The following ST7 variants were observed in gnomAD, a reference collection of about 807,000 sequenced individuals.
The protein encoded by ST7 is suppressor of tumorigenicity 7 protein.
In ST7, 28 loss-of-function variants were observed where a neutral mutation model predicts 78.7. The observed-to-expected ratio is 0.36, with a 90% CI of 0.26 to 0.49. The LOEUF (loss-of-function observed/expected upper bound fraction) is 0.49, where lower values mean the gene tolerates loss of function less well. Ranked by LOEUF, ST7 falls within the 20% of genes least tolerant of loss-of-function variation. The pLI is 0.99. For missense variants in ST7, 418 were observed against 696.0 expected, an observed-to-expected ratio of 0.60 and a Z score of 4.49; for synonymous variants, 247 against 249.6, an observed-to-expected ratio of 0.99 and a Z score of 0.10.
intron 12 of ST7, among the ~76,000 whole-genome samples, chr7:117,208,410 C>T (rs756547607): frequency 5.3e-5 from 8 of 152,158 alleles, no homozygotes; most frequent in Non-Finnish European, 1.0e-4. Flanking sequence ...TCCTGCTGCT[C>T]TCTGGGTGTC....
At position 117,008,802 on chromosome 7, in the gene ST7, C is replaced by T. The variant is rs1055486904; in HGVS notation, c.151+55111C>T. 3.3e-5 allele frequency among the ~76,000 whole-genome samples: 5 copies of T among 152,112 alleles called. No homozygotes were observed. The East Asian group carries it at 7.7e-4, about 23-fold the overall frequency. On this transcript the variant is annotated intron_variant, in intron 1 of 15. Transcript: ENST00000323984. ...TTGCAGAGAAAGGTCAAATCAACCA[C>T]AGTAAATATTGTTGAACAGGGTTTG...
chr7:117,005,226 ATAACT>A (rs1305126221), intron 1 of ST7, among the ~76,000 whole-genome samples: 4 of 152,226 alleles, frequency 2.6e-5, no homozygotes, highest in East Asian at 3.8e-4. Flanking sequence ...ATTGACAAAA[ATAACT>A]TAATTTTTTT....
intron 1 of ST7, among the ~76,000 whole-genome samples, chr7:116,973,917 A>G (rs1269068269): frequency 6.6e-6 from 1 of 152,242 alleles, no homozygotes; most frequent in Non-Finnish European, 1.5e-5. Context: ...TTACACATGT[A>G]TTTGATTTAT....
intron 1 of ST7, among the ~76,000 whole-genome samples, chr7:116,975,404 T>C (rs1014724834): frequency 2.0e-5 from 3 of 151,802 alleles, no homozygotes; most frequent in African/African-American, 7.3e-5. Flanking sequence ...ATGGGGGTTT[T>C]TTGAAAACAA....
At chr7:117,092,552 C>G (rs1289142469) in intron 1 of ST7, among the ~76,000 whole-genome samples, 4 of 151,970 alleles carry the variant, frequency 2.6e-5, no homozygotes, top group African/African-American at 9.7e-5. Context: ...AAAGTTGCAG[C>G]CTTACTTAAT....
rs548460100 is a variant in ST7, at chr7:117,145,454, A to C, written c.963+6922A>C. ...GGTGGCAGAGCCGTCCTCCCTCTAA[A>C]AGCTCTAGGGAGCAATCCTTAATTG... is the stretch of plus-strand genomic sequence containing the variant. On this transcript the variant is annotated intron_variant, in intron 9 of 15. Coordinates refer to ENST00000323984, the MANE Select transcript of ST7 (RefSeq NM_001369598.1). The C allele has an allele frequency of 2.0e-5, 3 of 152,216 alleles. No individual in the cohort carries two copies. The East Asian group carries it at 5.8e-4, about 29-fold the overall frequency. The allele number at this position is 152,216 out of a possible 1,614,324, so 9.4% of individuals were successfully genotyped here. A position where few individuals can be genotyped will look rare whatever the true frequency, so the allele number is the denominator to read the frequency against.
At chr7:117,108,018 A>G (rs1435734743) in intron 2 of ST7, among the ~76,000 whole-genome samples, 1 of 151,056 alleles carries the variant, frequency 6.6e-6, no homozygotes, top group Non-Finnish European at 1.5e-5. Context: ...GATTATGAAG[A>G]TTTTCTGCCA....
intron 6 of ST7, among the ~76,000 whole-genome samples, chr7:117,132,301 G>A (rs1026243636): frequency 2.0e-5 from 3 of 151,716 alleles, no homozygotes; most frequent in Non-Finnish European, 4.4e-5. Flanking sequence ...ATGCTCATCT[G>A]CACTAGAACA....
At chr7:116,964,529 G>A (rs1460254527) in intron 1 of ST7, among the ~76,000 whole-genome samples, 1 of 152,128 alleles carries the variant, frequency 6.6e-6, no homozygotes, top group East Asian at 1.9e-4. Flanking sequence ...GGGAGCGTGT[G>A]TATGTTTGTG....
At chr7:117,094,322 C>T (rs533884672) in intron 1 of ST7, among the ~76,000 whole-genome samples, 3 of 152,332 alleles carry the variant, frequency 2.0e-5, no homozygotes, top group South Asian at 2.1e-4. Context: ...CTCACTGTTC[C>T]CTAGTCTCTG....
chr7:116,974,873 T>C (rs1345008766), intron 1 of ST7, among the ~76,000 whole-genome samples: 1 of 152,208 alleles, frequency 6.6e-6, no homozygotes, highest in East Asian at 1.9e-4. Context: ...TTTGAGGAGA[T>C]ACAAATGCAA....
chr7:117,133,643 A>C (rs372008078), intron 6 of ST7, among the ~76,000 whole-genome samples: 18 of 151,860 alleles, frequency 1.2e-4, no homozygotes, highest in African/African-American at 4.3e-4. Context: ...AAAATAGGGA[A>C]TAAATGGTTG....
chr7:117,130,729 C>A, intron 5 of ST7, 123 bp downstream of exon 5: 1 of 612,064 alleles, frequency 1.6e-6, no homozygotes, highest in Non-Finnish European at 2.7e-6. Context: ...TGTTGATTGA[C>A]TAATAAGAAC....
chr7:116,974,736 C>G lies in ST7; in HGVS notation c.151+21045C>G, dbSNP rs531656151. On this transcript the variant is annotated intron_variant, in intron 1 of 15. Coordinates refer to ENST00000323984, the MANE Select transcript of ST7 (RefSeq NM_001369598.1). ...TTCATGATGACAGTATATAGGAGTG[C>G]AAATGTCTGTTTACTTCATTAAATC... is the stretch of plus-strand genomic sequence containing the variant. Among the ~76,000 whole-genome samples, 268 of 152,174 alleles carry G rather than the reference C, an allele frequency of 1.8e-3. 1 individual carries two copies. Among genetic ancestry groups the G allele is most frequent in the African/African-American group, 5.2e-3 (217 of 41,502 alleles).
At chr7:117,105,846 T>C (rs1232900101) in intron 2 of ST7, among the ~76,000 whole-genome samples, 2 of 152,368 alleles carry the variant, frequency 1.3e-5, no homozygotes, top group East Asian at 1.9e-4. Flanking sequence ...AGCTATTATG[T>C]ATCAATTTTA....
intron 1 of ST7, among the ~76,000 whole-genome samples, chr7:117,094,083 G>A (rs1563076001): frequency 6.6e-6 from 1 of 152,138 alleles, no homozygotes; most frequent in Non-Finnish European, 1.5e-5. Flanking sequence ...TTTTAGAAGT[G>A]CTATTTGGAT....
chr7:117,031,845 T>G (rs1229749949), intron 1 of ST7, among the ~76,000 whole-genome samples: 1 of 101,974 alleles, frequency 9.8e-6, no homozygotes, highest in Non-Finnish European at 1.9e-5. Flanking sequence ...TATATCTATA[T>G]CTATATCTAT....
At chr7:117,195,037 T>C (rs965034098) in intron 12 of ST7, among the ~76,000 whole-genome samples, 1 of 152,230 alleles carries the variant, frequency 6.6e-6, no homozygotes, top group Non-Finnish European at 1.5e-5. Context: ...TATTTGTTTG[T>C]TACAGGCAGT....
intron 1 of ST7, among the ~76,000 whole-genome samples, chr7:116,997,816 G>A (rs995720146): frequency 6.6e-6 from 1 of 152,198 alleles, no homozygotes; most frequent in African/African-American, 2.4e-5. Context: ...AGTGCTGACT[G>A]TTACATTTAC....
Sources: gnomAD v4.1 joint callset for allele counts (sites outside exome capture counted in the v4.1 genomes callset) on GRCh38, gnomAD v4.1.1 for gene constraint, MANE v1.5 for transcripts, NCBI Gene and HGNC (gene_info 2026-07-23, HGNC 2026-07-21) for gene names.